The following ATRNL1 variants were observed in gnomAD, a reference collection of about 807,000 sequenced individuals.
The protein encoded by ATRNL1 is attractin-like protein 1.
In ATRNL1, 95 loss-of-function variants were observed where a neutral mutation model predicts 182.7. That is an observed-to-expected ratio of 0.52 (90% CI 0.44 to 0.62). The LOEUF is 0.62. Ranked by LOEUF, ATRNL1 falls within the 20% of genes least tolerant of loss-of-function variation. ATRNL1 has a pLI of 0.00. For missense variants in ATRNL1, 1,471 were observed against 1,679.5 expected, an observed-to-expected ratio of 0.88 and a Z score of 2.17; for synonymous variants, 576 against 568.3, an observed-to-expected ratio of 1.01 and a Z score of -0.19.
rs1421407819 is a variant in ATRNL1, at chr10:115,386,808, T to TC, written c.3176-7845dup. 6.1e-5 allele frequency among the ~76,000 whole-genome samples: 5 copies of TC among 81,960 alleles called. No homozygotes were observed. The East Asian group carries it at 1.8e-3, about 29-fold the overall frequency. 53.8% of individuals were successfully genotyped at this position (81,960 alleles called of 152,430 possible). A position where few individuals can be genotyped will look rare whatever the true frequency, so the allele number is the denominator to read the frequency against. ...TAGGTATATCTCCTAATGCTATCCCTCCCCCCTCCCCCCACCCCACAACAG... is the reference window on the plus strand; with the variant it reads ...TAGGTATATCTCCTAATGCTATCCCTCCCCCCCTCCCCCCACCCCACAACAG... On this transcript the variant is annotated intron_variant, in intron 19 of 28. Coordinates refer to ENST00000355044, the MANE Select transcript of ATRNL1 (RefSeq NM_207303.4).
chr10:115,323,248 C>T (rs1854677331), intron 18 of ATRNL1, among the ~76,000 whole-genome samples: 1 of 152,018 alleles, frequency 6.6e-6, no homozygotes, highest in Non-Finnish European at 1.5e-5. Context: ...GATTATTTTT[C>T]TACCAGTTCA....
At chr10:115,158,396 T>G (rs935312289) in intron 5 of ATRNL1, among the ~76,000 whole-genome samples, 3 of 152,042 alleles carry the variant, frequency 2.0e-5, no homozygotes, top group Admixed American at 6.6e-5. Flanking sequence ...AACATGGCTG[T>G]GTTTTAATAA....
intron 5 of ATRNL1, among the ~76,000 whole-genome samples, chr10:115,136,346 A>G (rs879957903): frequency 1.3e-5 from 2 of 152,170 alleles, no homozygotes; most frequent in Non-Finnish European, 2.9e-5. Context: ...GAGAATTCCC[A>G]TTTACCTCCT....
chr10:115,223,730 T>A (rs886951078), intron 9 of ATRNL1, among the ~76,000 whole-genome samples: 1 of 151,464 alleles, frequency 6.6e-6, no homozygotes, highest in Non-Finnish European at 1.5e-5. Flanking sequence ...TGGGTTTTAA[T>A]GCAAGTCTTA....
intron 24 of ATRNL1, among the ~76,000 whole-genome samples, chr10:115,473,376 C>T (rs1848392861): frequency 6.6e-6 from 1 of 150,920 alleles, no homozygotes; most frequent in Admixed American, 6.6e-5. Flanking sequence ...TATTTGTTTT[C>T]CCTCTTACTG....
chr10:115,381,126 C>T (rs1378361897), intron 19 of ATRNL1, among the ~76,000 whole-genome samples: 1 of 152,060 alleles, frequency 6.6e-6, no homozygotes, highest in South Asian at 2.1e-4. Context: ...TTGCATTTCC[C>T]TAAGGAGTAA....
At chr10:115,466,865 A>G (rs1537837) in intron 22 of ATRNL1, among the ~76,000 whole-genome samples, 50,682 of 150,844 alleles carry the variant, frequency 0.34, 10,675 homozygotes, top group Non-Finnish European at 0.47. Context: ...TCAAATTTAA[A>G]CTAAGTTTAG....
At chr10:115,660,194 A>C (rs1860595849) in intron 26 of ATRNL1, among the ~76,000 whole-genome samples, 2 of 152,180 alleles carry the variant, frequency 1.3e-5, no homozygotes, top group Non-Finnish European at 1.5e-5. Context: ...GAGATTTTAC[A>C]GATAGCACCT....
chr10:115,888,729 C>G (rs1450938223), intron 28 of ATRNL1, among the ~76,000 whole-genome samples: 1 of 152,214 alleles, frequency 6.6e-6, no homozygotes, highest in African/African-American at 2.4e-5. Flanking sequence ...ATACCCAGTT[C>G]AGCTTGGGCT....
chr10:115,606,706 A>G (rs1480676771), intron 26 of ATRNL1, among the ~76,000 whole-genome samples: 1 of 152,070 alleles, frequency 6.6e-6, no homozygotes, highest in African/African-American at 2.4e-5. Flanking sequence ...TGACAGTATT[A>G]TACATAAGAC....
chr10:115,431,334 G>A (rs1221993034), intron 21 of ATRNL1, among the ~76,000 whole-genome samples: 1 of 151,444 alleles, frequency 6.6e-6, no homozygotes, highest in Non-Finnish European at 1.5e-5. Flanking sequence ...GAACCTGGGA[G>A]GTGGTGGAGG....
intron 26 of ATRNL1, among the ~76,000 whole-genome samples, chr10:115,704,152 G>A (rs1555052450): frequency 6.6e-6 from 1 of 151,970 alleles, no homozygotes; most frequent in African/African-American, 2.4e-5. Flanking sequence ...GAGGCTATAA[G>A]TCTAAGATCA....
intron 27 of ATRNL1, among the ~76,000 whole-genome samples, chr10:115,845,674 T>C (rs1348357016): frequency 6.8e-6 from 1 of 146,706 alleles, no homozygotes; most frequent in Non-Finnish European, 1.5e-5. Flanking sequence ...AAACATACAA[T>C]TCTACTGTTC....
At chr10:115,706,270 C>T (rs572520365) in intron 26 of ATRNL1, among the ~76,000 whole-genome samples, 1 of 151,964 alleles carries the variant, frequency 6.6e-6, no homozygotes, top group South Asian at 2.1e-4. Context: ...TCACATCTTA[C>T]TTTAGTGGTC....
intron 19 of ATRNL1, among the ~76,000 whole-genome samples, chr10:115,379,552 G>C (rs181070560): frequency 1.3e-5 from 2 of 152,128 alleles, no homozygotes; most frequent in Non-Finnish European, 2.9e-5. Flanking sequence ...AATATACATC[G>C]TTTTAGTGTA....
intron 9 of ATRNL1, among the ~76,000 whole-genome samples, chr10:115,231,886 G>T (rs1849967528): frequency 6.6e-6 from 1 of 152,122 alleles, no homozygotes; most frequent in South Asian, 2.1e-4. Flanking sequence ...GGTTTGAAAA[G>T]AGAAGTATGA....
chr10:115,160,571 C>A (rs185000263), intron 6 of ATRNL1, among the ~76,000 whole-genome samples: 36 of 151,710 alleles, frequency 2.4e-4, no homozygotes, highest in Non-Finnish European at 4.1e-4. Flanking sequence ...TAAAAATCCT[C>A]TCAATTTGTT....
intron 26 of ATRNL1, among the ~76,000 whole-genome samples, chr10:115,582,573 C>G (rs1467424923): frequency 1.6e-5 from 2 of 126,346 alleles, no homozygotes; most frequent in Non-Finnish European, 3.5e-5. Context: ...ATGTCCTTCG[C>G]CCACTTTTTG....
At chr10:115,878,433 T>TTACC (rs1951746667) in intron 28 of ATRNL1, among the ~76,000 whole-genome samples, 1 of 152,170 alleles carries the variant, frequency 6.6e-6, no homozygotes. Context: ...CTCAATATGC[T>TTACC]TACCTGTCTA....
Sources: allele counts gnomAD v4.1 joint callset (sites outside exome capture counted in the v4.1 genomes callset), GRCh38; gene constraint gnomAD v4.1.1; transcripts MANE v1.5; gene names NCBI Gene and HGNC (gene_info 2026-07-23, HGNC 2026-07-21).